The following TMEM150B variants were observed in gnomAD, a reference collection of about 807,000 sequenced individuals.
TMEM150B encodes the protein transmembrane protein 150B.
Under a neutral mutation model 25.2 loss-of-function variants are expected in TMEM150B, and 33 were observed. The observed-to-expected ratio is 1.31, with a 90% CI of 0.99 to 1.75. The LOEUF (loss-of-function observed/expected upper bound fraction) is 1.75. TMEM150B is among the 40% of genes most tolerant of loss of function. The probability of loss-of-function intolerance (pLI) is 0.00; values close to 1 mark genes in which losing one functional copy is unlikely to be tolerated. For missense variants in TMEM150B, 322 were observed against 306.1 expected (o/e 1.05, Z -0.39); for synonymous variants, 133 against 134.8 (o/e 0.99, Z 0.09).
chr19:55,323,246 A>G (rs2089251862), intron 1 of TMEM150B, among the ~76,000 whole-genome samples: 1 of 152,142 alleles, frequency 6.6e-6, no homozygotes, highest in African/African-American at 2.4e-5. Context: ...AGCCTGGCCA[A>G]CATGGTGAAA....
At chr19:55,318,900 A>C (rs1010096659) in intron 6 of TMEM150B, among the ~76,000 whole-genome samples, 1 of 152,058 alleles carries the variant, frequency 6.6e-6, no homozygotes, top group African/African-American at 2.4e-5. Flanking sequence ...TCCTGGGCTC[A>C]AGCAATCCTC....
chr19:55,317,030 G>A lies in TMEM150B; in HGVS notation c.325-64C>T, dbSNP rs548498574. On this transcript the variant is annotated intron_variant, in intron 6 of 7. Coordinates refer to ENST00000326652, the MANE Select transcript of TMEM150B (RefSeq NM_001282011.2). ...GAAGGAGGGTAAGGGGCACCAGAGG[G>A]GCCAGGGCCCTTCACCAATGCAGTA... 6.1e-6 allele frequency: 9 copies of A among 1,481,418 alleles called. No homozygotes were observed. In the South Asian group the frequency reaches 1.1e-4, roughly 17 times the overall value. The allele number at this position is 1,481,418 out of a possible 1,614,324, so 91.8% of individuals were successfully genotyped here.
At chr19:55,320,870 A>G (rs1007293032) in intron 3 of TMEM150B, 99 bp downstream of exon 3, 1 of 1,405,480 alleles carries the variant, frequency 7.1e-7, no homozygotes, top group Non-Finnish European at 9.6e-7. Flanking sequence ...AGATCCAGGG[A>G]TCCAGGCCCC....
At position 55,324,792 on chromosome 19, in the gene TMEM150B, G is replaced by A. The variant is rs770115897; in HGVS notation, c.-154+480C>T. 1.1e-4 allele frequency: 108 copies of A among 985,248 alleles called. 1 individual carries two copies. Among genetic ancestry groups the A allele is most frequent in the Non-Finnish European group, 1.3e-4 (104 of 829,926 alleles). The allele number at this position is 985,248 out of a possible 1,614,324, so 61.0% of individuals were successfully genotyped here. A position where few individuals can be genotyped will look rare whatever the true frequency, so the allele number is the denominator to read the frequency against. ...CTCTGGGTCTCGTCTTCCTCCTTTC[G>A]CTTCTTTTTCCGGAGGTCTCCGTTT... On this transcript the variant is annotated intron_variant, in intron 1 of 7. Transcript: ENST00000326652.
In TMEM150B at chr19:55,316,916, G is replaced by A; in HGVS notation, c.375C>T (p.Ile125=). Residue 125 remains isoleucine, a synonymous_variant, in exon 7 of 8, where the codon ATC becomes ATT. Transcript: ENST00000326652. ...THLAGAFLAF[I]LGNVYFWLQL... is the part of the protein sequence containing the mutation. ...GCAGCCAGAAGTAGACGTTACCCAA[G>A]ATGAAGGCAAGGAAGGCCCCTGCCA... is the stretch of plus-strand genomic sequence containing the variant. 1 of 1,607,652 alleles carries A rather than the reference G, an allele frequency of 6.2e-7. No individual in the cohort carries two copies. The highest frequency in any genetic ancestry group is 8.5e-7 in the Non-Finnish European group (1 of 1,177,994).
At chr19:55,310,149 A>G (rs1256065457), downstream of TMEM150B, among the ~76,000 whole-genome samples, 5 of 152,234 alleles carry the variant, frequency 3.3e-5, no homozygotes, top group African/African-American at 1.2e-4. This position sits in a 1 kb window ranked among gnomAD's most constrained non-coding sequence, Gnocchi z 5.0. Context: ...CAAATGACAC[A>G]GCCTTGGTGG....
chr19:55,318,957 G>A (rs983702657), intron 6 of TMEM150B, among the ~76,000 whole-genome samples: 6 of 151,846 alleles, frequency 4.0e-5, no homozygotes, highest in Admixed American at 2.6e-4. Flanking sequence ...ACAGGTTCAC[G>A]CCACCATGCC....
At position 55,321,080 on chromosome 19, in the gene TMEM150B, T is replaced by G; in HGVS notation, c.-44A>C. ...AGGATCGGGGCTGAGGCTGGACACC[T>G]GTCTCTCTCACACCTGAAGAACCAG... On this transcript the variant is annotated 5_prime_UTR_variant, in exon 3 of 8. Transcript: ENST00000326652. 6.3e-7 allele frequency: 1 copy of G among 1,589,680 alleles called. No homozygotes were observed. Among genetic ancestry groups the G allele is most frequent in the Non-Finnish European group, 8.6e-7 (1 of 1,168,084 alleles).
intron 4 of TMEM150B, 45 bp downstream of exon 4, chr19:55,320,513 C>T (rs775490385): frequency 2.5e-6 from 4 of 1,612,480 alleles, no homozygotes; most frequent in South Asian, 2.2e-5. Context: ...CTCCACTTTC[C>T]TGCAGCGGCG....
rs201475657 is a variant in TMEM150B at position 55,313,008 on chromosome 19, C to T, written c.553G>A (p.Glu185Lys). Reference protein sequence around the residue: ...CSLRSVSAACEWVVAMLLFAL... With the variant: ...CSLRSVSAACKWVVAMLLFAL... ...AACAGCAGCATGGCCACGACCCACT[C>T]GCAGGCCGCAGAGACGCTACGCAGC... Residue 185 changes from glutamate (E) to lysine (K), a missense_variant, in exon 8 of 8, where the codon GAG (glutamate) becomes AAG (lysine). Glu to Lys is a moderately conservative substitution (Grantham distance 56, BLOSUM62 1). Coordinates refer to ENST00000326652, the MANE Select transcript of TMEM150B (RefSeq NM_001282011.2). The T allele has an allele frequency of 6.8e-5, 109 of 1,613,494 alleles. No homozygotes were observed. In the Admixed American group the frequency reaches 1.6e-3, roughly 23 times the overall value.
intron 7 of TMEM150B, among the ~76,000 whole-genome samples, chr19:55,314,241 T>G (rs559659892): frequency 6.6e-5 from 10 of 152,238 alleles, no homozygotes; most frequent in African/African-American, 2.4e-4. Flanking sequence ...AGACAGGTCT[T>G]GAACTCCTGA....
intron 1 of TMEM150B, among the ~76,000 whole-genome samples, chr19:55,322,974 C>T (rs1380519564): frequency 6.6e-6 from 1 of 152,110 alleles, no homozygotes. Flanking sequence ...CCCTTGGGGA[C>T]CCAGGAGTCC....
chr19:55,311,053 C>A (rs966485067), downstream of TMEM150B, among the ~76,000 whole-genome samples: 3 of 152,120 alleles, frequency 2.0e-5, no homozygotes, highest in Admixed American at 6.5e-5. Context: ...TTCCACCTCC[C>A]GGGTTTCAAA....
At chr19:55,315,784 C>G (rs1433255504) in intron 7 of TMEM150B, among the ~76,000 whole-genome samples, 1 of 150,656 alleles carries the variant, frequency 6.6e-6, no homozygotes, top group Admixed American at 6.6e-5. Context: ...AAAAAATTAG[C>G]CAGGTGTGGT....
At chr19:55,317,016 A>C in intron 6 of TMEM150B, 50 bp from the exon 7 acceptor site, 4 of 1,544,652 alleles carry the variant, frequency 2.6e-6, no homozygotes, top group Non-Finnish European at 3.5e-6. Context: ...AAGGAGGGTA[A>C]GGGGCACCAG....
intron 1 of TMEM150B, among the ~76,000 whole-genome samples, chr19:55,323,457 G>A (rs143677777): frequency 9.2e-4 from 139 of 151,460 alleles, no homozygotes; most frequent in African/African-American, 3.1e-3. Context: ...AAAAATGTGC[G>A]ACTCAGCGAC....
In TMEM150B at chr19:55,316,962, T is replaced by C; in HGVS notation, c.329A>G (p.Lys110Arg). The change falls in exon 7 of 8, where the codon AAG (lysine) becomes AGG (arginine). Residue 110 changes from lysine to arginine, a missense_variant. Transcript: ENST00000326652. The stretch of plus-strand genomic sequence containing the variant: ...TGCCAAGTGCGTAGGCCGCTGGTTC[T>C]TTTCCTGGGAGGAGAAGGGAGAAGT... ...GTSVVGNFQE[K>R]NQRPTHLAGA... 3 of 1,595,776 alleles carry C rather than the reference T, an allele frequency of 1.9e-6. No individual in the cohort carries two copies. In the Admixed American group the frequency reaches 5.5e-5, roughly 29 times the overall value.
chr19:55,320,424 A>C lies in TMEM150B; in HGVS notation c.163T>G (p.Phe55Val), dbSNP rs1426540536. 5 of 1,579,202 alleles carry C rather than the reference A, an allele frequency of 3.2e-6. No individual in the cohort carries two copies. The African/African-American group carries it at 6.8e-5, about 21-fold the overall frequency. The change falls in exon 5 of 8, where the codon TTC (phenylalanine) becomes GTC (valine). Residue 55 changes from phenylalanine (F) to valine (V), a missense_variant. Phe to Val is a conservative substitution (Grantham distance 50). Transcript: ENST00000326652. Reference sequence around the variant, plus strand: ...GCTCCCATATTGAGCACCTGGCTGAAGATGCAGCTCTGAGGGGGGAAGGAT... The same window carrying C: ...GCTCCCATATTGAGCACCTGGCTGACGATGCAGCTCTGAGGGGGGAAGGAT... ...CGSFPPQSCI[F>V]SQVLNMGAAL... is the part of the protein sequence containing the mutation.
rs199875473 is a variant in TMEM150B, at chr19:55,320,192, G to A, written c.197-26C>T. 4.1e-4 allele frequency: 664 copies of A among 1,610,668 alleles called. 6 individuals are homozygous for A. In the African/African-American group the frequency reaches 7.7e-3, roughly 19 times the overall value. ...CTGGGAGTAGAGGGGAGAAGGAAGTGGGAGGGAGACCCACCAAGAACTCCT... is the reference window on the plus strand; with the variant it reads ...CTGGGAGTAGAGGGGAGAAGGAAGTAGGAGGGAGACCCACCAAGAACTCCT... On this transcript the variant is annotated intron_variant, in intron 5 of 7. Transcript: ENST00000326652.
Sources: gnomAD v4.1 joint callset for allele counts (sites outside exome capture counted in the v4.1 genomes callset) on GRCh38, gnomAD v4.1.1 for gene constraint, Gnocchi (gnomAD v3.1) non-coding constraint, MANE v1.5 for transcripts, NCBI Gene and HGNC (gene_info 2026-07-23, HGNC 2026-07-21) for gene names.